LINGO2: variants seen among roughly 807,000 people sequenced by gnomAD.
LINGO2 encodes the protein leucine-rich repeat and immunoglobulin-like domain-containing nogo receptor-interacting protein 2.
Under a neutral mutation model 30.6 loss-of-function variants are expected in LINGO2, and 14 were observed. That is an observed-to-expected ratio of 0.46 (90% CI 0.30 to 0.72). LINGO2 has a LOEUF of 0.72. Ranked by LOEUF, LINGO2 falls within the 30% of genes least tolerant of loss-of-function variation. The pLI is 0.07. For missense variants in LINGO2, 729 were observed against 751.7 expected, an observed-to-expected ratio of 0.97 and a Z score of 0.35; for synonymous variants, 317 against 288.5, an observed-to-expected ratio of 1.10 and a Z score of -1.00.
chr9:28,753,405 C>T, the LINGO2 span, among the ~76,000 whole-genome samples: 1 of 152,018 alleles, frequency 6.6e-6, no homozygotes, highest in Non-Finnish European at 1.5e-5. Flanking sequence ...TATAAGGCTG[C>T]AAATTGTGAA....
the LINGO2 span, among the ~76,000 whole-genome samples, chr9:29,131,291 C>A: frequency 8.5e-5 from 13 of 152,074 alleles, no homozygotes; most frequent in Non-Finnish European, 1.5e-4. Flanking sequence ...CGGGACCATG[C>A]ATACTGGGAA....
the LINGO2 span, among the ~76,000 whole-genome samples, chr9:28,981,403 T>C: frequency 1.3e-5 from 2 of 152,060 alleles, no homozygotes; most frequent in East Asian, 3.9e-4. Context: ...AAGAATAGAG[T>C]ATTTCTTATC....
chr9:29,066,702 A>C, the LINGO2 span, among the ~76,000 whole-genome samples: 1 of 151,936 alleles, frequency 6.6e-6, no homozygotes, highest in Non-Finnish European at 1.5e-5. Flanking sequence ...GGGAAAACCA[A>C]CATTGTTTGT....
chr9:27,953,947 C>T (rs1554644477), intron 5 of LINGO2, among the ~76,000 whole-genome samples: 1 of 152,040 alleles, frequency 6.6e-6, no homozygotes, highest in Non-Finnish European at 1.5e-5. Flanking sequence ...ACAATACTAA[C>T]TTTTTGAGGT....
the LINGO2 span, among the ~76,000 whole-genome samples, chr9:28,787,293 C>A: frequency 2.6e-5 from 4 of 152,214 alleles, no homozygotes; most frequent in African/African-American, 9.6e-5. Context: ...ACTTAACATG[C>A]ACTTGGAAAA....
chr9:28,827,443 T>A, the LINGO2 span, among the ~76,000 whole-genome samples: 1 of 152,212 alleles, frequency 6.6e-6, no homozygotes, highest in African/African-American at 2.4e-5. Context: ...AAGCAAGTTA[T>A]TTAATCGCTC....
intron 3 of LINGO2, among the ~76,000 whole-genome samples, chr9:28,349,090 G>A (rs1380087575): frequency 4.6e-5 from 7 of 152,070 alleles, no homozygotes; most frequent in South Asian, 2.1e-4. Context: ...AAAGCAGAGC[G>A]CCTCTCCTCC....
chr9:28,562,997 C>A (rs1475726245), intron 1 of LINGO2, among the ~76,000 whole-genome samples: 3 of 152,026 alleles, frequency 2.0e-5, no homozygotes, highest in Admixed American at 6.5e-5. Context: ...CAGGCGCATG[C>A]GACCACGCCC....
the LINGO2 span, among the ~76,000 whole-genome samples, chr9:29,009,611 T>C: frequency 3.9e-4 from 59 of 152,286 alleles, no homozygotes; most frequent in African/African-American, 1.3e-3. Flanking sequence ...CTGTCCAAGG[T>C]AATTTATAGA....
chr9:27,977,840 C>A (rs1229477532), intron 5 of LINGO2, among the ~76,000 whole-genome samples: 1 of 151,334 alleles, frequency 6.6e-6, no homozygotes, highest in Non-Finnish European at 1.5e-5. Flanking sequence ...GAAAGAGTGA[C>A]TGCAACTATT....
At chr9:28,577,079 T>C (rs1005958908) in intron 1 of LINGO2, among the ~76,000 whole-genome samples, 1 of 152,152 alleles carries the variant, frequency 6.6e-6, no homozygotes, top group Non-Finnish European at 1.5e-5. Context: ...TTTCAGTTTA[T>C]AGTTTAAATT....
chr9:29,047,846 A>G, the LINGO2 span, among the ~76,000 whole-genome samples: 1 of 152,160 alleles, frequency 6.6e-6, no homozygotes, highest in Non-Finnish European at 1.5e-5. Context: ...CATGCCCATA[A>G]TCCCAGCACT....
intron 2 of LINGO2, among the ~76,000 whole-genome samples, chr9:28,382,159 T>C (rs944595): frequency 0.23 from 35,081 of 152,054 alleles, 4,199 homozygotes; most frequent in Middle Eastern, 0.33. Context: ...AGGTAATAGA[T>C]AGTACTTGGC....
chr9:28,560,081 GAAAAAAA>G lies in LINGO2; in HGVS notation c.-364-84063_-364-84057del, dbSNP rs57723247. On this transcript the variant is annotated intron_variant, in intron 1 of 5. Transcript: ENST00000379992. ...AAGTTAAGCAGCTTATATTTAGGAG[GAAAAAAA>G]AAAAAAAAAGAAAAATGAAAGATGA... Among the ~76,000 whole-genome samples, 44 of 123,500 alleles carry G rather than the reference GAAAAAAA, an allele frequency of 3.6e-4. No individual in the cohort carries two copies. In the South Asian group the frequency reaches 5.6e-3, roughly 16 times the overall value. 81.0% of individuals were successfully genotyped at this position (123,500 alleles called of 152,430 possible). A position where few individuals can be genotyped will look rare whatever the true frequency, so the allele number is the denominator to read the frequency against.
At chr9:28,261,666 T>A (rs900661286) in intron 4 of LINGO2, among the ~76,000 whole-genome samples, 1 of 151,890 alleles carries the variant, frequency 6.6e-6, no homozygotes, top group African/African-American at 2.4e-5. Context: ...ATTCCTATAA[T>A]TCTTTGAGAA....
intron 1 of LINGO2, among the ~76,000 whole-genome samples, chr9:28,577,103 C>A (rs1824027513): frequency 6.6e-6 from 1 of 151,994 alleles, no homozygotes; most frequent in Non-Finnish European, 1.5e-5. Flanking sequence ...ATAGCCTTTC[C>A]CCAAATTAAA....
the LINGO2 span, among the ~76,000 whole-genome samples, chr9:28,991,822 T>C: frequency 6.7e-6 from 1 of 148,816 alleles, no homozygotes; most frequent in Admixed American, 6.8e-5. Flanking sequence ...TGCTGAGAGA[T>C]TTTGTCACCA....
the LINGO2 span, among the ~76,000 whole-genome samples, chr9:28,726,160 C>A: frequency 6.6e-6 from 1 of 152,070 alleles, no homozygotes; most frequent in Non-Finnish European, 1.5e-5. Context: ...TGTGTTATAA[C>A]AGTGTTCCTT....
chr9:28,984,840 C>T, the LINGO2 span, among the ~76,000 whole-genome samples: 6 of 152,074 alleles, frequency 3.9e-5, no homozygotes, highest in Non-Finnish European at 8.8e-5. Context: ...ACATACCCAT[C>T]ACTTCAAGTA....
Sources: gnomAD v4.1 joint callset for allele counts (sites outside exome capture counted in the v4.1 genomes callset) on GRCh38, gnomAD v4.1.1 for gene constraint, MANE v1.5 for transcripts, NCBI Gene and HGNC (gene_info 2026-07-23, HGNC 2026-07-21) for gene names.